Variants in KAZN observed in about 807,000 individuals in gnomAD.
The protein encoded by KAZN is kazrin, periplakin interacting protein.
A neutral mutation model predicts 87.4 loss-of-function variants in KAZN; 40 were observed. That is an observed-to-expected ratio of 0.46 (90% CI 0.36 to 0.60). KAZN has a LOEUF of 0.60. Ranked by LOEUF, KAZN falls within the 20% of genes least tolerant of loss-of-function variation. KAZN has a pLI of 0.00. For synonymous variants in KAZN, 466 were observed against 458.3 expected (o/e 1.02, Z -0.22); for missense variants, 898 against 1,073.9 (o/e 0.84, Z 2.29).
rs531253191 is a variant in KAZN at position 14,850,939 on chromosome 1, G to C, written c.227-109745G>C. On this transcript the variant is annotated intron_variant, in intron 1 of 14. Transcript: ENST00000376030. ...TTCTCCATTTGGGGTGTGGTTCCGA[G>C]GGCCTGCTCACAGTACCTGAGAGAC... is the stretch of plus-strand genomic sequence containing the variant. Among the ~76,000 whole-genome samples the C allele has an allele frequency of 4.6e-5, 7 of 152,300 alleles. No homozygotes were observed. In the East Asian group the frequency reaches 1.2e-3, roughly 25 times the overall value.
chr1:13,909,280 A>G (rs1013851162), intron 1 of KAZN, among the ~76,000 whole-genome samples: 1 of 152,228 alleles, frequency 6.6e-6, no homozygotes, highest in Non-Finnish European at 1.5e-5. Flanking sequence ...GGTGATTTCA[A>G]TTAGGAGATA....
At chr1:14,324,719 T>C (rs1481341164) in intron 2 of KAZN, among the ~76,000 whole-genome samples, 1 of 152,214 alleles carries the variant, frequency 6.6e-6, no homozygotes, top group Non-Finnish European at 1.5e-5. Flanking sequence ...TACTCCCTAA[T>C]CTACTCTTAT....
chr1:13,962,212 G>A (rs970451693), intron 1 of KAZN, among the ~76,000 whole-genome samples: 2 of 152,150 alleles, frequency 1.3e-5, no homozygotes, highest in Non-Finnish European at 2.9e-5. Context: ...GGGTACTTGA[G>A]GGACAGTGAG....
At chr1:15,043,800 G>A (rs769087225) in intron 3 of KAZN, among the ~76,000 whole-genome samples, 189 bp from the exon 4 acceptor site, 6 of 151,956 alleles carry the variant, frequency 3.9e-5, no homozygotes, top group Non-Finnish European at 5.9e-5. Flanking sequence ...CCGCCACCAT[G>A]CCTGGCTAAT....
intron 2 of KAZN, 40 bp downstream of exon 2, chr1:14,960,915 C>A (rs966350554): frequency 5.7e-6 from 9 of 1,569,504 alleles, no homozygotes; most frequent in Non-Finnish European, 7.8e-6. Context: ...GCTGGGAGCT[C>A]AGGCCCCAGG....
intron 1 of KAZN, among the ~76,000 whole-genome samples, chr1:14,771,862 G>A (rs895249714): frequency 3.9e-5 from 6 of 151,980 alleles, no homozygotes; most frequent in East Asian, 1.9e-4. Flanking sequence ...CCTAATAAAG[G>A]GGTAGAAATA....
At chr1:14,816,096 G>GGGT (rs1221855190) in intron 1 of KAZN, among the ~76,000 whole-genome samples, 1 of 152,130 alleles carries the variant, frequency 6.6e-6, no homozygotes, top group African/African-American at 2.4e-5. Context: ...GACAAGAGGA[G>GGGT]GGTAGGATGG....
chr1:13,916,595 A>C (rs1473544963), intron 1 of KAZN, among the ~76,000 whole-genome samples: 1 of 152,200 alleles, frequency 6.6e-6, no homozygotes, highest in Non-Finnish European at 1.5e-5. Context: ...AGAGAATTAG[A>C]CATTCACCAA....
At chr1:14,363,274 T>G (rs1004936186) in intron 2 of KAZN, among the ~76,000 whole-genome samples, 2 of 152,164 alleles carry the variant, frequency 1.3e-5, no homozygotes, top group Non-Finnish European at 2.9e-5. Flanking sequence ...CTGCAAAATG[T>G]CAAGATGATG....
chr1:14,934,049 G>GT (rs936381005), intron 1 of KAZN, among the ~76,000 whole-genome samples: 2 of 151,758 alleles, frequency 1.3e-5, no homozygotes, highest in African/African-American at 4.8e-5. Flanking sequence ...TAGAGACGGG[G>GT]TTTCACCGTG....
intron 1 of KAZN, among the ~76,000 whole-genome samples, chr1:14,816,706 A>G (rs1376798294): frequency 6.6e-6 from 1 of 152,020 alleles, no homozygotes; most frequent in Non-Finnish European, 1.5e-5. Context: ...AGATAATGAT[A>G]AATTGATAGA....
chr1:13,982,440 A>G (rs886294805), intron 1 of KAZN, among the ~76,000 whole-genome samples: 1 of 152,136 alleles, frequency 6.6e-6, no homozygotes, highest in Non-Finnish European at 1.5e-5. Flanking sequence ...TTTCGCGCTG[A>G]GTGTTACAGC....
chr1:14,153,542 A>T (rs1020372567), intron 1 of KAZN, among the ~76,000 whole-genome samples: 39 of 152,228 alleles, frequency 2.6e-4, no homozygotes, highest in African/African-American at 8.7e-4. Flanking sequence ...TGGGAGGCTG[A>T]GGCAGGCGGA....
At chr1:14,853,175 G>T (rs577349007) in intron 1 of KAZN, among the ~76,000 whole-genome samples, 6 of 152,296 alleles carry the variant, frequency 3.9e-5, no homozygotes, top group Admixed American at 1.3e-4. Context: ...AAGCAGACTA[G>T]GTCCCTCCCC....
At chr1:14,177,360 T>G (rs778279047) in intron 1 of KAZN, among the ~76,000 whole-genome samples, 5 of 152,190 alleles carry the variant, frequency 3.3e-5, no homozygotes, top group Admixed American at 6.5e-5. Flanking sequence ...CAAGCATTCT[T>G]TTTTCATTTT....
Position 13,933,308 on chromosome 1 carries a change from C to T in KAZN, c.91+39552C>T, listed in dbSNP as rs538028331. Among the ~76,000 whole-genome samples, 19 of 152,144 alleles carry T rather than the reference C, an allele frequency of 1.2e-4. No individual in the cohort carries two copies. In the South Asian group the frequency reaches 3.9e-3, roughly 32 times the overall value. ...AGGAGTTCGAGACCAGACTGACTAA[C>T]ATGGAGAAACCCTGTCCCTACTAAA... is the stretch of plus-strand genomic sequence containing the variant. On this transcript the variant is annotated intron_variant, in intron 1 of 16. Transcript: ENST00000636203.
intron 2 of KAZN, among the ~76,000 whole-genome samples, chr1:14,267,887 G>C (rs1479370476): frequency 6.6e-6 from 1 of 152,176 alleles, no homozygotes; most frequent in Non-Finnish European, 1.5e-5. Flanking sequence ...TTGAACCCAG[G>C]AGGCGGAGTT....
chr1:14,784,362 T>C lies in KAZN; in HGVS notation c.227-176322T>C, dbSNP rs115300075. Among the ~76,000 whole-genome samples, 1,253 of 152,268 alleles carry C rather than the reference T, an allele frequency of 8.2e-3. 21 individuals carry two copies. Among genetic ancestry groups the C allele is most frequent in the African/African-American group, 0.029 (1,198 of 41,544 alleles). On this transcript the variant is annotated intron_variant, in intron 1 of 14. Coordinates refer to ENST00000376030, the MANE Select transcript of KAZN (RefSeq NM_201628.3). Reference sequence around the variant, plus strand: ...AGACTATAACCTAGCCAAGTTGACATTGAAAACTGACCATCAGAGAGGGAG... The same window carrying C: ...AGACTATAACCTAGCCAAGTTGACACTGAAAACTGACCATCAGAGAGGGAG...
rs575996466 is a variant in KAZN at position 14,375,701 on chromosome 1, A to G, written c.249+195109A>G. ...GGAGATCGAGACCATCCTGGCTAAC[A>G]TGGTGAAACCCCATCTCTACTAAAA... On this transcript the variant is annotated intron_variant, in intron 2 of 16. Transcript: ENST00000636203. Among the ~76,000 whole-genome samples the G allele has an allele frequency of 9.2e-5, 14 of 152,282 alleles. No individual in the cohort carries two copies. The East Asian group carries it at 1.9e-3, about 21-fold the overall frequency.
Sources: gnomAD v4.1 joint callset for allele counts (sites outside exome capture counted in the v4.1 genomes callset) on GRCh38, gnomAD v4.1.1 for gene constraint, MANE v1.5 for transcripts, NCBI Gene and HGNC (gene_info 2026-07-23, HGNC 2026-07-21) for gene names.